DOK5: variants seen among roughly 807,000 people sequenced by gnomAD.
The protein encoded by DOK5 is docking protein 5.
DOK5 carries 27 observed loss-of-function variants against 43.3 expected under a neutral mutation model. That is an observed-to-expected ratio of 0.62 (90% CI 0.46 to 0.86). DOK5 has a LOEUF of 0.86. Among genes scored for constraint, DOK5 ranks in the 40% least tolerant of loss-of-function variants. The probability of loss-of-function intolerance (pLI) is 0.00; values close to 1 mark genes in which losing one functional copy is unlikely to be tolerated. For synonymous variants in DOK5, 146 were observed against 140.1 expected (o/e 1.04, Z -0.30); for missense variants, 373 against 392.9 (o/e 0.95, Z 0.43).
In DOK5 at chr20:54,480,995, TATCTATC is replaced by T. The variant is rs1319946307; in HGVS notation, c.66+4998_66+5004del. On this transcript the variant is annotated intron_variant, in intron 1 of 7. Transcript: ENST00000262593. ...ATCTATCTATCTATCATCTATCATC[TATCTATC>T]ATCTATCATCTATCTATCTATCATC... is the stretch of plus-strand genomic sequence containing the variant. Among the ~76,000 whole-genome samples, 372 of 139,616 alleles carry T rather than the reference TATCTATC, an allele frequency of 2.7e-3. 5 individuals are homozygous for T. Among genetic ancestry groups the T allele is most frequent in the African/African-American group, 5.6e-3 (205 of 36,590 alleles). 91.6% of individuals were successfully genotyped at this position (139,616 alleles called of 152,430 possible). A position where few individuals can be genotyped will look rare whatever the true frequency, so the allele number is the denominator to read the frequency against.
At chr20:54,614,045 T>A (rs1986730570) in intron 6 of DOK5, among the ~76,000 whole-genome samples, 1 of 149,692 alleles carries the variant, frequency 6.7e-6, no homozygotes, top group Non-Finnish European at 1.5e-5. Flanking sequence ...TATATATGGT[T>A]ATATATATTT....
intron 1 of DOK5, among the ~76,000 whole-genome samples, chr20:54,488,310 A>G (rs150094540): frequency 3.9e-5 from 6 of 152,260 alleles, no homozygotes; most frequent in African/African-American, 1.2e-4. Flanking sequence ...GTTTGAATCC[A>G]TCTTCTCCAT....
intron 5 of DOK5, among the ~76,000 whole-genome samples, chr20:54,602,900 T>A (rs1000999271): frequency 8.5e-5 from 13 of 152,168 alleles, no homozygotes; most frequent in Non-Finnish European, 1.3e-4. Flanking sequence ...CTTGAAGTCC[T>A]GACCTTGTGA....
intron 5 of DOK5, among the ~76,000 whole-genome samples, chr20:54,609,360 A>G (rs1334246902): frequency 6.6e-6 from 1 of 152,240 alleles, no homozygotes; most frequent in Non-Finnish European, 1.5e-5. Context: ...CAAGCAAACA[A>G]AACAACCTCT....
chr20:54,540,509 T>A (rs1568773993), intron 1 of DOK5, among the ~76,000 whole-genome samples: 1 of 152,148 alleles, frequency 6.6e-6, no homozygotes, highest in Admixed American at 6.5e-5. Flanking sequence ...AGCAATATGC[T>A]AAGTATGTTA....
At chr20:54,513,462 C>CA (rs1011871917) in intron 1 of DOK5, among the ~76,000 whole-genome samples, 5,202 of 24,282 alleles carry the variant, frequency 0.21, 482 homozygotes, top group African/African-American at 0.26. Context: ...ATACTCTGAG[C>CA]AAAAAAAAAA....
chr20:54,477,305 C>T (rs541035624), intron 1 of DOK5, among the ~76,000 whole-genome samples: 1 of 152,174 alleles, frequency 6.6e-6, no homozygotes, highest in Non-Finnish European at 1.5e-5. Context: ...GGAGGAACAT[C>T]CGCAATTATT....
At chr20:54,498,100 G>A (rs1345377423) in intron 1 of DOK5, among the ~76,000 whole-genome samples, 1 of 152,078 alleles carries the variant, frequency 6.6e-6, no homozygotes, top group Non-Finnish European at 1.5e-5. Context: ...TTGGGACCTT[G>A]GAGAGCAACA....
intron 1 of DOK5, among the ~76,000 whole-genome samples, chr20:54,504,617 G>T (rs1982736745): frequency 6.6e-6 from 1 of 152,162 alleles, no homozygotes; most frequent in Non-Finnish European, 1.5e-5. Flanking sequence ...GGATACAGGG[G>T]TGATTGGAGA....
At chr20:54,584,774 T>TACACAC (rs139033675) in intron 2 of DOK5, among the ~76,000 whole-genome samples, 7,067 of 146,606 alleles carry the variant, frequency 0.048, 196 homozygotes, top group African/African-American at 0.059. Context: ...TATCTAGATA[T>TACACAC]ACACACACAC....
intron 1 of DOK5, among the ~76,000 whole-genome samples, chr20:54,540,869 A>G (rs889900393): frequency 6.7e-6 from 1 of 149,544 alleles, no homozygotes; most frequent in African/African-American, 2.6e-5. Context: ...ACACAGCCCT[A>G]TAGGGAAGAT....
intron 1 of DOK5, among the ~76,000 whole-genome samples, chr20:54,527,181 T>G (rs1021880129): frequency 1.3e-5 from 2 of 152,230 alleles, no homozygotes; most frequent in Non-Finnish European, 2.9e-5. Flanking sequence ...CCCATATAAT[T>G]GCAATTCTAA....
chr20:54,579,588 C>T lies in DOK5; in HGVS notation c.175-8895C>T, dbSNP rs192750300. On this transcript the variant is annotated intron_variant, in intron 2 of 7. Coordinates refer to ENST00000262593, the MANE Select transcript of DOK5 (RefSeq NM_018431.5). ...TCTCCCTGCAGTCCCTGGAAACCACCATCCTATTTTCTGTTTCTATGAGTT... is the reference window on the plus strand; with the variant it reads ...TCTCCCTGCAGTCCCTGGAAACCACTATCCTATTTTCTGTTTCTATGAGTT... Among the ~76,000 whole-genome samples, 18 of 152,154 alleles carry T rather than the reference C, an allele frequency of 1.2e-4. 1 individual carries two copies. Among genetic ancestry groups the T allele is most frequent in the African/African-American group, 3.9e-4 (16 of 41,494 alleles).
intron 6 of DOK5, among the ~76,000 whole-genome samples, chr20:54,637,058 G>T (rs1179009088): frequency 6.6e-6 from 1 of 152,108 alleles, no homozygotes; most frequent in Non-Finnish European, 1.5e-5. Flanking sequence ...TTGTTAATTT[G>T]TATACAGTTT....
chr20:54,504,968 C>T (rs992554230), intron 1 of DOK5, among the ~76,000 whole-genome samples: 1 of 151,970 alleles, frequency 6.6e-6, no homozygotes, highest in Non-Finnish European at 1.5e-5. Context: ...GATGGAAGCA[C>T]CAGGGGCTGG....
chr20:54,484,965 C>A (rs1252810149), intron 1 of DOK5, among the ~76,000 whole-genome samples: 1 of 152,218 alleles, frequency 6.6e-6, no homozygotes, highest in Admixed American at 6.5e-5. Flanking sequence ...CTGCAGTGAA[C>A]TCTGATCATA....
chr20:54,582,189 T>G (rs1022336457), intron 2 of DOK5, among the ~76,000 whole-genome samples: 9 of 151,936 alleles, frequency 5.9e-5, no homozygotes, highest in Admixed American at 6.5e-5. Context: ...GTAGAACCCT[T>G]GTATCTGAGA....
At chr20:54,489,355 T>C (rs749807771) in intron 1 of DOK5, among the ~76,000 whole-genome samples, 5 of 152,110 alleles carry the variant, frequency 3.3e-5, no homozygotes, top group Non-Finnish European at 5.9e-5. Context: ...AAGCAACCAC[T>C]GTGAATAGTC....
intron 6 of DOK5, among the ~76,000 whole-genome samples, chr20:54,614,573 A>T (rs1182594090): frequency 6.6e-6 from 1 of 152,192 alleles, no homozygotes; most frequent in Non-Finnish European, 1.5e-5. Context: ...ATGTTTTTCC[A>T]TTTACAACCT....
Sources: allele counts gnomAD v4.1 joint callset (sites outside exome capture counted in the v4.1 genomes callset), GRCh38; gene constraint gnomAD v4.1.1; transcripts MANE v1.5; gene names NCBI Gene and HGNC (gene_info 2026-07-23, HGNC 2026-07-21).